SNTG1: variants seen among roughly 807,000 people sequenced by gnomAD.
The protein encoded by SNTG1 is syntrophin gamma 1, also known as gamma-1-syntrophin.
In SNTG1, 39 loss-of-function variants were observed where a neutral mutation model predicts 74.7. The ratio of observed to expected loss-of-function variants is 0.52; its 90% CI spans 0.40 to 0.68. The LOEUF (loss-of-function observed/expected upper bound fraction) is 0.68. Ranked by LOEUF, SNTG1 falls within the 30% of genes least tolerant of loss-of-function variation. The pLI is 0.00. For missense variants in SNTG1, 685 were observed against 609.5 expected, an observed-to-expected ratio of 1.12 and a Z score of -1.30; for synonymous variants, 254 against 217.1, an observed-to-expected ratio of 1.17 and a Z score of -1.49.
At chr8:50,310,197 T>G (rs956278760) in intron 2 of SNTG1, among the ~76,000 whole-genome samples, 1 of 152,198 alleles carries the variant, frequency 6.6e-6, no homozygotes, top group Non-Finnish European at 1.5e-5. Context: ...ATATCTGCTT[T>G]GTTTTATCTC....
At chr8:50,097,215 T>C (rs906705993) in intron 1 of SNTG1, among the ~76,000 whole-genome samples, 1 of 152,056 alleles carries the variant, frequency 6.6e-6, no homozygotes, top group Admixed American at 6.6e-5. Context: ...CGTGATCCGC[T>C]TGCCTTGGCC....
intron 11 of SNTG1, among the ~76,000 whole-genome samples, chr8:50,542,628 G>A (rs548315446): frequency 8.7e-4 from 132 of 152,196 alleles, no homozygotes; most frequent in African/African-American, 2.4e-3. Flanking sequence ...TTGCTGGATC[G>A]TGTGGTAGTC....
At chr8:50,010,290 A>G (rs1007504077) in intron 1 of SNTG1, among the ~76,000 whole-genome samples, 4 of 152,114 alleles carry the variant, frequency 2.6e-5, no homozygotes, top group Admixed American at 2.0e-4. Context: ...ACAAACTCCA[A>G]TGAGACCTTT....
intron 18 of SNTG1, among the ~76,000 whole-genome samples, chr8:50,754,004 C>G (rs374738313): frequency 6.6e-6 from 1 of 151,922 alleles, no homozygotes; most frequent in Non-Finnish European, 1.5e-5. Flanking sequence ...TTTAACCATA[C>G]TTGTGTGTAT....
intron 17 of SNTG1, among the ~76,000 whole-genome samples, chr8:50,731,383 A>AT (rs930970447): frequency 6.6e-6 from 1 of 152,074 alleles, no homozygotes; most frequent in African/African-American, 2.4e-5. Context: ...AAATTGGCAT[A>AT]TTTTTTTGAG....
At chr8:50,159,306 C>A (rs75370326) in intron 1 of SNTG1, among the ~76,000 whole-genome samples, 11,050 of 152,104 alleles carry the variant, frequency 0.073, 426 homozygotes, top group Middle Eastern at 0.12. Context: ...CCACTTGAGG[C>A]AATACTTTCA....
At chr8:49,930,711 T>C (rs1470443266) in intron 1 of SNTG1, among the ~76,000 whole-genome samples, 2 of 152,092 alleles carry the variant, frequency 1.3e-5, no homozygotes, top group Non-Finnish European at 2.9e-5. Context: ...AGTAAGCACA[T>C]TAACGACAAT....
intron 15 of SNTG1, among the ~76,000 whole-genome samples, chr8:50,694,328 G>A (rs1429480156): frequency 6.6e-6 from 1 of 151,822 alleles, no homozygotes; most frequent in Non-Finnish European, 1.5e-5. Context: ...CAAAAAATTG[G>A]ATAACCTAGA....
chr8:50,282,719 T>G (rs974280154), intron 2 of SNTG1, among the ~76,000 whole-genome samples: 1 of 152,034 alleles, frequency 6.6e-6, no homozygotes, highest in Non-Finnish European at 1.5e-5. Context: ...TGAGCTGAGA[T>G]CGTGCCACTG....
rs148456797 is a variant in SNTG1, at chr8:50,402,233, G to T, written c.51G>T (p.Leu17=). 67 of 1,602,134 alleles carry T rather than the reference G, an allele frequency of 4.2e-5. No individual in the cohort carries two copies. The African/African-American group carries it at 7.2e-4, about 17-fold the overall frequency. The change falls in exon 4 of 19, where the codon CTG becomes CTT. Residue 17 remains leucine (L), a synonymous_variant. Coordinates refer to ENST00000642720, the MANE Select transcript of SNTG1 (RefSeq NM_018967.5). Reference sequence around the variant, plus strand: ...AGACAAAGACAGGAATTTGTTTGCTGCAGGATGGTAACCAGGAGCCTTTCA... The same window carrying T: ...AGACAAAGACAGGAATTTGTTTGCTTCAGGATGGTAACCAGGAGCCTTTCA... ...CEETKTGICL[L]QDGNQEPFKV...
At chr8:50,641,376 C>T (rs2095071842) in intron 13 of SNTG1, among the ~76,000 whole-genome samples, 1 of 152,200 alleles carries the variant, frequency 6.6e-6, no homozygotes, top group African/African-American at 2.4e-5. Context: ...CACTTCCCTG[C>T]ATCTGTGTTC....
chr8:50,227,723 C>G (rs1437733441), intron 2 of SNTG1, among the ~76,000 whole-genome samples: 1 of 149,732 alleles, frequency 6.7e-6, no homozygotes, highest in Non-Finnish European at 1.5e-5. Flanking sequence ...ATCGGAGAAG[C>G]CAAAAGTCAA....
chr8:50,273,584 T>C (rs1483349308), intron 2 of SNTG1, among the ~76,000 whole-genome samples: 1 of 152,178 alleles, frequency 6.6e-6, no homozygotes, highest in Non-Finnish European at 1.5e-5. Flanking sequence ...TCATGGGTAT[T>C]GGAAGGATTG....
chr8:50,075,183 C>A (rs1821740060), intron 1 of SNTG1, among the ~76,000 whole-genome samples: 1 of 152,174 alleles, frequency 6.6e-6, no homozygotes, highest in African/African-American at 2.4e-5. Flanking sequence ...GGAGCCTCCC[C>A]AATGGGAGCT....
intron 1 of SNTG1, among the ~76,000 whole-genome samples, chr8:49,960,275 T>C (rs1810558752): frequency 6.6e-6 from 1 of 152,230 alleles, no homozygotes; most frequent in Admixed American, 6.5e-5. Flanking sequence ...ACAACAAATA[T>C]CTATTGAGCA....
chr8:50,630,518 A>G (rs191087576), intron 13 of SNTG1, among the ~76,000 whole-genome samples: 495 of 152,238 alleles, frequency 3.3e-3, no homozygotes, highest in Middle Eastern at 6.8e-3. Context: ...TGCTTCATCT[A>G]TAAGATGAGT....
chr8:50,520,314 G>A (rs188607439), intron 9 of SNTG1, among the ~76,000 whole-genome samples: 86 of 152,236 alleles, frequency 5.6e-4, no homozygotes, highest in African/African-American at 1.2e-3. Flanking sequence ...AGACTTAAAC[G>A]TAAGATCTAA....
chr8:50,161,067 T>C lies in SNTG1; in HGVS notation c.-102-11494T>C, dbSNP rs72640707. Reference sequence around the variant, plus strand: ...ATATTTTAATGTCAAGACTTATAGATAGATCATTAAGGACAGTGAATATTA... The same window carrying C: ...ATATTTTAATGTCAAGACTTATAGACAGATCATTAAGGACAGTGAATATTA... On this transcript the variant is annotated intron_variant, in intron 1 of 18. Transcript: ENST00000642720. Among the ~76,000 whole-genome samples the C allele has an allele frequency of 3.3e-3, 499 of 152,272 alleles. 2 individuals carry two copies. The highest frequency in any genetic ancestry group is 5.1e-3 in the Non-Finnish European group (344 of 68,018).
Position 50,495,217 on chromosome 8 carries a change from C to T in SNTG1, c.364-7561C>T, listed in dbSNP as rs1015469413. On this transcript the variant is annotated intron_variant, in intron 8 of 18. Coordinates refer to ENST00000642720, the MANE Select transcript of SNTG1 (RefSeq NM_018967.5). Reference sequence around the variant, plus strand: ...ACTAGAAATGCCTATTGAAAGATTCCTATGTCATTTCTACATATTTATGAA... The same window carrying T: ...ACTAGAAATGCCTATTGAAAGATTCTTATGTCATTTCTACATATTTATGAA... Among the ~76,000 whole-genome samples the T allele has an allele frequency of 9.2e-5, 14 of 151,894 alleles. No individual in the cohort carries two copies. In the East Asian group the frequency reaches 1.9e-3, roughly 21 times the overall value.
Sources: gnomAD v4.1 joint callset for allele counts (sites outside exome capture counted in the v4.1 genomes callset) on GRCh38, gnomAD v4.1.1 for gene constraint, MANE v1.5 for transcripts, NCBI Gene and HGNC (gene_info 2026-07-23, HGNC 2026-07-21) for gene names.